ARHGAP24: variants seen among roughly 807,000 people sequenced by gnomAD.
The protein encoded by ARHGAP24 is rho GTPase-activating protein 24.
A neutral mutation model predicts 76.4 loss-of-function variants in ARHGAP24; 50 were observed. The observed-to-expected ratio is 0.65, with a 90% CI of 0.52 to 0.83. ARHGAP24 has a LOEUF of 0.83. Ranked by LOEUF, ARHGAP24 falls within the 40% of genes least tolerant of loss-of-function variation. ARHGAP24 has a pLI of 0.00. For missense variants in ARHGAP24, 930 were observed against 914.2 expected, an observed-to-expected ratio of 1.02 and a Z score of -0.22; for synonymous variants, 345 against 323.3, an observed-to-expected ratio of 1.07 and a Z score of -0.72.
At chr4:85,880,446 G>A (rs1733180258) in intron 3 of ARHGAP24, among the ~76,000 whole-genome samples, 1 of 152,126 alleles carries the variant, frequency 6.6e-6, no homozygotes, top group Non-Finnish European at 1.5e-5. Context: ...AAAGCTTTCT[G>A]GTTGCAGTGT....
chr4:85,843,635 CTTAA>C (rs1365720826), intron 3 of ARHGAP24, among the ~76,000 whole-genome samples: 3 of 151,776 alleles, frequency 2.0e-5, no homozygotes, highest in African/African-American at 2.4e-5. Flanking sequence ...GTGTGATTTT[CTTAA>C]TTAATACAGG....
Position 86,000,879 on chromosome 4 carries a change from G to A in ARHGAP24, c.*157G>A. 2 of 1,065,724 alleles carry A rather than the reference G, an allele frequency of 1.9e-6. No individual in the cohort carries two copies. Among genetic ancestry groups the A allele is most frequent in the Admixed American group, 2.4e-5 (1 of 42,156 alleles). The allele number at this position is 1,065,724 out of a possible 1,614,324, so 66.0% of individuals were successfully genotyped here. ...GACATTAAACATCCATATCTGCAAT[G>A]TGTACCAAAGTTATATCATGCCCCA... On this transcript the variant is annotated 3_prime_UTR_variant, in exon 10 of 10. Coordinates refer to ENST00000395184, the MANE Select transcript of ARHGAP24 (RefSeq NM_001025616.3).
At chr4:85,526,195 G>GAGCGAAGTGTTTAAGACT (rs1724983912) in intron 1 of ARHGAP24, among the ~76,000 whole-genome samples, 1 of 151,962 alleles carries the variant, frequency 6.6e-6, no homozygotes, top group Non-Finnish European at 1.5e-5. Flanking sequence ...TGGATGGCCT[G>GAGCGAAGTGTTTAAGACT]AGCGAAGTGT....
In ARHGAP24 at chr4:85,962,065, C is replaced by T. The variant is rs140644163; in HGVS notation, c.600-9971C>T. 2.5e-3 allele frequency among the ~76,000 whole-genome samples: 382 copies of T among 152,168 alleles called. 1 individual carries two copies. The highest frequency in any genetic ancestry group is 8.7e-3 in the African/African-American group (363 of 41,550). On this transcript the variant is annotated intron_variant, in intron 5 of 9. Coordinates refer to ENST00000395184, the MANE Select transcript of ARHGAP24 (RefSeq NM_001025616.3). ...TATTTTTGCTATGTCAGTTCATTAA[C>T]AGTTTGCCAAAACTTTTAAGACCAT...
chr4:85,859,397 T>C (rs1228302535), intron 3 of ARHGAP24, among the ~76,000 whole-genome samples: 1 of 152,110 alleles, frequency 6.6e-6, no homozygotes, highest in Non-Finnish European at 1.5e-5. Flanking sequence ...TTTACTTAAA[T>C]AATGTTCACT....
intron 1 of ARHGAP24, among the ~76,000 whole-genome samples, chr4:85,531,759 A>G (rs895763251): frequency 6.6e-6 from 1 of 152,118 alleles, no homozygotes; most frequent in African/African-American, 2.4e-5. Context: ...TGAAGAAACA[A>G]AAGCTAAGTG....
intron 8 of ARHGAP24, chr4:85,991,699 G>A (rs1487428901): frequency 6.5e-6 from 1 of 153,740 alleles, no homozygotes; most frequent in African/African-American, 2.4e-5. Context: ...CAGAGTTACG[G>A]GCAGGGAACT....
chr4:85,835,573 C>G (rs1230814794), intron 3 of ARHGAP24, among the ~76,000 whole-genome samples: 1 of 143,312 alleles, frequency 7.0e-6, no homozygotes, highest in African/African-American at 2.6e-5. Flanking sequence ...AAAAAAAAAG[C>G]ACGGTTTGTT....
intron 1 of ARHGAP24, among the ~76,000 whole-genome samples, chr4:85,503,630 G>A (rs567485677): frequency 6.6e-6 from 1 of 152,090 alleles, no homozygotes; most frequent in African/African-American, 2.4e-5. Context: ...AGTGTTGCTA[G>A]CAGTCTATCA....
chr4:85,977,606 C>G lies in ARHGAP24; in HGVS notation c.843C>G (p.Asn281Lys). 1.2e-6 allele frequency: 2 copies of G among 1,613,844 alleles called. No homozygotes were observed. The highest frequency in any genetic ancestry group is 1.7e-6 in the Non-Finnish European group (2 of 1,179,796). ...AAGTACAGTCCTACTCGGGAGTTAA[C>G]AAAATGAGTGTGCAGAACTTGGCAA... Reference protein sequence around the residue: ...LDEVQSYSGVNKMSVQNLATV... With the variant: ...LDEVQSYSGVKKMSVQNLATV... The change falls in exon 8 of 10, where the codon AAC (asparagine) becomes AAG (lysine). Residue 281 changes from asparagine (N) to lysine (K), a missense_variant. Transcript: ENST00000395184.
intron 2 of ARHGAP24, among the ~76,000 whole-genome samples, chr4:85,605,185 A>G (rs1432102198): frequency 6.6e-6 from 1 of 152,222 alleles, no homozygotes; most frequent in Non-Finnish European, 1.5e-5. Context: ...TGTAATGAAC[A>G]CATTATTTTT....
chr4:85,756,453 C>G (rs981815982), intron 3 of ARHGAP24, among the ~76,000 whole-genome samples: 8 of 152,190 alleles, frequency 5.3e-5, no homozygotes, highest in African/African-American at 2.4e-5. Context: ...AACTAGTACT[C>G]TCTTCTATTT....
At chr4:85,799,757 CA>C (rs2110103185) in intron 3 of ARHGAP24, among the ~76,000 whole-genome samples, 1 of 152,250 alleles carries the variant, frequency 6.6e-6, no homozygotes, top group South Asian at 2.1e-4. Context: ...ATCACTTAGC[CA>C]AGTGATCAAA....
chr4:85,994,168 T>C (rs1338098350), intron 8 of ARHGAP24, among the ~76,000 whole-genome samples: 2 of 152,190 alleles, frequency 1.3e-5, no homozygotes, highest in Non-Finnish European at 2.9e-5. Flanking sequence ...AGTGACCTCC[T>C]CCTAAGAAAT....
intron 1 of ARHGAP24, among the ~76,000 whole-genome samples, chr4:85,510,213 G>C (rs978488333): frequency 6.6e-6 from 1 of 152,168 alleles, no homozygotes; most frequent in Admixed American, 6.5e-5. Context: ...AGTTTTATAA[G>C]AGTATTTTCC....
intron 2 of ARHGAP24, chr4:85,604,302 C>T (rs914792551): frequency 6.6e-6 from 1 of 152,204 alleles, no homozygotes; most frequent in Non-Finnish European, 1.5e-5. Flanking sequence ...TGGAAGAAAA[C>T]TGTGAGTATA....
intron 3 of ARHGAP24, among the ~76,000 whole-genome samples, chr4:85,800,735 A>C (rs368610784): frequency 2.0e-5 from 3 of 152,366 alleles, no homozygotes; most frequent in South Asian, 4.1e-4. Flanking sequence ...TCTACATTGA[A>C]ACAATGCTTA....
intron 1 of ARHGAP24, among the ~76,000 whole-genome samples, chr4:85,485,303 G>A (rs1291801774): frequency 2.6e-5 from 3 of 115,026 alleles, no homozygotes; most frequent in African/African-American, 3.4e-5. Flanking sequence ...AGCCGAGATC[G>A]CACCACCACA....
intron 1 of ARHGAP24, among the ~76,000 whole-genome samples, chr4:85,544,590 TATATA>T (rs1004272272): frequency 5.9e-5 from 9 of 152,288 alleles, no homozygotes; most frequent in Admixed American, 5.9e-4. Flanking sequence ...TTGGATCCTA[TATATA>T]GCAGGGCCAT....
Sources: gnomAD v4.1 joint callset for allele counts (sites outside exome capture counted in the v4.1 genomes callset) on GRCh38, gnomAD v4.1.1 for gene constraint, MANE v1.5 for transcripts, NCBI Gene and HGNC (gene_info 2026-07-23, HGNC 2026-07-21) for gene names.